The following PARD3B variants were observed in gnomAD, a reference collection of about 807,000 sequenced individuals.
PARD3B encodes par-3 family cell polarity regulator beta, also known as partitioning defective 3 homolog B.
PARD3B carries 103 observed loss-of-function variants against 130.2 expected under a neutral mutation model. That is an observed-to-expected ratio of 0.79 (90% CI 0.67 to 0.93). The LOEUF is 0.93. Among genes scored for constraint, PARD3B ranks in the 40% least tolerant of loss-of-function variants. The probability of loss-of-function intolerance (pLI) is 0.00; values close to 1 mark genes in which losing one functional copy is unlikely to be tolerated. For missense variants in PARD3B, 1,609 were observed against 1,499.2 expected, an observed-to-expected ratio of 1.07 and a Z score of -1.21; for synonymous variants, 583 against 553.2, an observed-to-expected ratio of 1.05 and a Z score of -0.76.
chr2:205,238,849 AAT>A (rs66692400), intron 15 of PARD3B, among the ~76,000 whole-genome samples: 127 of 76,862 alleles, frequency 1.7e-3, no homozygotes, highest in South Asian at 3.1e-3. Flanking sequence ...AAAAAAAAAA[AAT>A]ATATATATAT....
chr2:205,283,304 G>C (rs553010134), intron 16 of PARD3B, among the ~76,000 whole-genome samples: 22 of 152,218 alleles, frequency 1.4e-4, no homozygotes, highest in African/African-American at 5.3e-4. Flanking sequence ...GTTTGTTTTT[G>C]AGACAGTCTC....
chr2:205,484,455 G>A (rs764144676), intron 20 of PARD3B, among the ~76,000 whole-genome samples: 10 of 152,158 alleles, frequency 6.6e-5, no homozygotes, highest in South Asian at 2.1e-4. Flanking sequence ...TGTGAAACTC[G>A]TGTCAATTAA....
intron 2 of PARD3B, among the ~76,000 whole-genome samples, chr2:204,962,821 C>T (rs1690868064): frequency 6.6e-6 from 1 of 152,116 alleles, no homozygotes; most frequent in African/African-American, 2.4e-5. Flanking sequence ...CCTCTTCTTC[C>T]CAGGAGTACA....
chr2:204,774,438 G>A (rs191348770), intron 2 of PARD3B, among the ~76,000 whole-genome samples: 55 of 152,178 alleles, frequency 3.6e-4, no homozygotes, highest in Admixed American at 1.0e-3. Flanking sequence ...AGATGACCAG[G>A]AGCAGGTTTG....
intron 2 of PARD3B, among the ~76,000 whole-genome samples, chr2:204,880,848 G>C (rs1019478889): frequency 6.6e-6 from 1 of 152,044 alleles, no homozygotes; most frequent in African/African-American, 2.4e-5. Flanking sequence ...TTACCTAGGA[G>C]TAGAGCCAAC....
intron 2 of PARD3B, among the ~76,000 whole-genome samples, chr2:204,936,618 C>T (rs1289003041): frequency 6.6e-6 from 1 of 152,124 alleles, no homozygotes; most frequent in African/African-American, 2.4e-5. Flanking sequence ...AGAAATGTTC[C>T]AAATTGTACA....
intron 22 of PARD3B, among the ~76,000 whole-genome samples, chr2:205,559,633 C>A (rs2053054424): frequency 1.5e-5 from 2 of 130,284 alleles, no homozygotes; most frequent in African/African-American, 5.8e-5. Context: ...GAGTCTCACT[C>A]TGTTGCCCAG....
At chr2:204,708,341 T>A (rs1184605178) in intron 2 of PARD3B, among the ~76,000 whole-genome samples, 2 of 152,184 alleles carry the variant, frequency 1.3e-5, no homozygotes, top group East Asian at 3.9e-4. Context: ...ATGACACACA[T>A]GATTTGTGAT....
intron 10 of PARD3B, among the ~76,000 whole-genome samples, chr2:205,139,176 A>ATT (rs113022094): frequency 6.1e-5 from 9 of 147,392 alleles, no homozygotes; most frequent in Admixed American, 2.0e-4. Flanking sequence ...ATTTATCAGT[A>ATT]TTTTTTTTTT....
At chr2:204,959,236 T>C (rs1690538694) in intron 2 of PARD3B, among the ~76,000 whole-genome samples, 1 of 152,194 alleles carries the variant, frequency 6.6e-6, no homozygotes, top group South Asian at 2.1e-4. Context: ...GTGTTTGGTT[T>C]TCTGTTCCTG....
chr2:205,570,929 C>A (rs1028660907), intron 22 of PARD3B, among the ~76,000 whole-genome samples: 1 of 152,104 alleles, frequency 6.6e-6, no homozygotes, highest in Non-Finnish European at 1.5e-5. Context: ...CAGCATAAAA[C>A]CACAGGAAAT....
At chr2:204,758,436 A>G (rs1483076685) in intron 2 of PARD3B, among the ~76,000 whole-genome samples, 2 of 152,146 alleles carry the variant, frequency 1.3e-5, no homozygotes, top group Admixed American at 6.6e-5. Flanking sequence ...AGGACATTCT[A>G]TCTTGGAAAT....
chr2:205,443,322 T>A (rs989900577), intron 20 of PARD3B, among the ~76,000 whole-genome samples: 1 of 152,174 alleles, frequency 6.6e-6, no homozygotes, highest in Non-Finnish European at 1.5e-5. Flanking sequence ...CATCCATTCA[T>A]CTTTTCATTC....
intron 2 of PARD3B, among the ~76,000 whole-genome samples, chr2:204,772,761 A>C (rs2041443398): frequency 6.6e-6 from 1 of 152,228 alleles, no homozygotes; most frequent in Admixed American, 6.5e-5. Flanking sequence ...TTCCCATTGA[A>C]ATGCAACAAA....
chr2:205,100,751 T>A (rs1240851273), intron 4 of PARD3B, among the ~76,000 whole-genome samples: 2 of 152,084 alleles, frequency 1.3e-5, no homozygotes, highest in African/African-American at 4.8e-5. Flanking sequence ...AAAAACAATC[T>A]TTTCAATGAA....
chr2:204,720,764 C>G (rs1559087343), intron 2 of PARD3B, among the ~76,000 whole-genome samples: 1 of 152,136 alleles, frequency 6.6e-6, no homozygotes, highest in Non-Finnish European at 1.5e-5. Context: ...GCTGCTTTAA[C>G]AGAGGCCAAA....
intron 2 of PARD3B, among the ~76,000 whole-genome samples, chr2:204,711,730 T>C (rs952849633): frequency 2.0e-5 from 3 of 151,990 alleles, no homozygotes. Flanking sequence ...CTATTTTCAG[T>C]AGAGATGGGG....
At chr2:205,322,212 A>G (rs1430295054) in intron 18 of PARD3B, among the ~76,000 whole-genome samples, 1 of 152,226 alleles carries the variant, frequency 6.6e-6, no homozygotes, top group East Asian at 1.9e-4. Context: ...GTATTATGAA[A>G]GTTATAGTGG....
At chr2:205,249,156 T>TAAGGAAAATCATAATTAGG (rs1450977575) in intron 16 of PARD3B, among the ~76,000 whole-genome samples, 3 of 150,968 alleles carry the variant, frequency 2.0e-5, no homozygotes, top group Non-Finnish European at 4.4e-5. Flanking sequence ...ATTACAGGCA[T>TAAGGAAAATCATAATTAGG]GTGTGTGGTG....
Sources: gnomAD v4.1 joint callset for allele counts (sites outside exome capture counted in the v4.1 genomes callset) on GRCh38, gnomAD v4.1.1 for gene constraint, MANE v1.5 for transcripts, NCBI Gene and HGNC (gene_info 2026-07-23, HGNC 2026-07-21) for gene names.